XKR4: variants seen among roughly 807,000 people sequenced by gnomAD.
XKR4 encodes the protein XK-related protein 4.
XKR4 carries 12 observed loss-of-function variants against 53.9 expected under a neutral mutation model. That is an observed-to-expected ratio of 0.22 (90% CI 0.14 to 0.36). XKR4 has a LOEUF of 0.36. XKR4 is among the 10% of genes least tolerant of loss of function. XKR4 has a pLI of 1.00. For synonymous variants in XKR4, 354 were observed against 362.4 expected (o/e 0.98, Z 0.26); for missense variants, 799 against 859.5 (o/e 0.93, Z 0.88).
At chr8:55,433,875 T>TA (rs1805136301) in intron 2 of XKR4, among the ~76,000 whole-genome samples, 2 of 151,944 alleles carry the variant, frequency 1.3e-5, no homozygotes, top group African/African-American at 2.4e-5. Context: ...AAAATTAAAA[T>TA]AAAAAACATT....
intron 1 of XKR4, among the ~76,000 whole-genome samples, chr8:55,151,860 A>C (rs961486211): frequency 5.9e-5 from 9 of 152,190 alleles, no homozygotes; most frequent in African/African-American, 2.2e-4. Context: ...GAATTCACCA[A>C]AATTTATTTG....
At chr8:55,159,895 G>A (rs765059624) in intron 1 of XKR4, among the ~76,000 whole-genome samples, 1 of 152,216 alleles carries the variant, frequency 6.6e-6, no homozygotes, top group Non-Finnish European at 1.5e-5. Flanking sequence ...TAGTGATGTG[G>A]TAGGAAAGTT....
intron 2 of XKR4, 95 bp downstream of exon 2, chr8:55,357,972 A>G (rs939729786): frequency 1.6e-6 from 2 of 1,282,544 alleles, no homozygotes; most frequent in Non-Finnish European, 2.2e-6. Flanking sequence ...CTTTGTTGAC[A>G]CAGGCCTGTG....
In XKR4 at chr8:55,141,691, C is replaced by G. The variant is rs201965663; in HGVS notation, c.806+38397C>G. Among the ~76,000 whole-genome samples, 21 of 139,804 alleles carry G rather than the reference C, an allele frequency of 1.5e-4. 1 individual carries two copies. Among genetic ancestry groups the G allele is most frequent in the South Asian group, 4.5e-4 (2 of 4,414 alleles). The allele number at this position is 139,804 out of a possible 152,430, so 91.7% of individuals were successfully genotyped here. A position where few individuals can be genotyped will look rare whatever the true frequency, so the allele number is the denominator to read the frequency against. On this transcript the variant is annotated intron_variant, in intron 1 of 2. Transcript: ENST00000327381. ...TCTCTCTGTGTGTGTGTGTGTGTGT[C>G]TCTCTCTGTGGACTGGCGTCTTCTG...
intron 1 of XKR4, among the ~76,000 whole-genome samples, chr8:55,234,968 T>C (rs537894505): frequency 1.3e-3 from 203 of 152,328 alleles, no homozygotes; most frequent in African/African-American, 4.6e-3. Flanking sequence ...ACTAGTTTCC[T>C]GTGGCCGCCA....
At chr8:55,417,055 G>A (rs886091319) in intron 2 of XKR4, among the ~76,000 whole-genome samples, 1 of 152,178 alleles carries the variant, frequency 6.6e-6, no homozygotes, top group Non-Finnish European at 1.5e-5. Flanking sequence ...CAGTACCTCT[G>A]AAGGTGGGAG....
At chr8:55,340,804 A>C (rs971032060) in intron 1 of XKR4, among the ~76,000 whole-genome samples, 1 of 152,204 alleles carries the variant, frequency 6.6e-6, no homozygotes, top group Middle Eastern at 3.2e-3. Context: ...GGATTTGGTC[A>C]TGCCTTTTGT....
rs11338681 is a variant in XKR4 at position 55,401,979 on chromosome 8, CA to C, written c.1006+44109del. On this transcript the variant is annotated intron_variant, in intron 2 of 2. Transcript: ENST00000327381. Reference sequence around the variant, plus strand: ...ATGTAAAATAACTTGACTATTGATACAAAAAAATTAATGAGAAGGACATCAT... The same window carrying C: ...ATGTAAAATAACTTGACTATTGATACAAAAAATTAATGAGAAGGACATCAT... Among the ~76,000 whole-genome samples the C allele has an allele frequency of 9.6e-3, 1,468 of 152,130 alleles. 25 individuals are homozygous for C. Among genetic ancestry groups the C allele is most frequent in the African/African-American group, 0.033 (1,358 of 41,514 alleles).
intron 1 of XKR4, among the ~76,000 whole-genome samples, chr8:55,247,858 T>TCTTTC (rs1554572236): frequency 4.1e-5 from 4 of 97,794 alleles, no homozygotes; most frequent in Middle Eastern, 0.011. Context: ...TTTCTTTCTT[T>TCTTTC]TTTTTTTTTT....
In XKR4 at chr8:55,324,954, G is replaced by T. The variant is rs185876776; in HGVS notation, c.807-32724G>T. ...ACCTTTCTCATCACATAATTCTACA[G>T]GGTCACTGATTGTTTAATGTATATC... On this transcript the variant is annotated intron_variant, in intron 1 of 2. Transcript: ENST00000327381. 1.5e-3 allele frequency among the ~76,000 whole-genome samples: 228 copies of T among 152,154 alleles called. 1 individual carries two copies. The highest frequency in any genetic ancestry group is 5.2e-3 in the African/African-American group (215 of 41,498).
At position 55,452,585 on chromosome 8, in the gene XKR4, C is replaced by T. The variant is rs112581252; in HGVS notation, c.1007-70696C>T. On this transcript the variant is annotated intron_variant, in intron 2 of 2. Coordinates refer to ENST00000327381, the MANE Select transcript of XKR4 (RefSeq NM_052898.2). Reference sequence around the variant, plus strand: ...TCAGCCTCCGGTTCTCCCGCTGCACCGCCTCCAGGGTCTTAATGTTTATCT... The same window carrying T: ...TCAGCCTCCGGTTCTCCCGCTGCACTGCCTCCAGGGTCTTAATGTTTATCT... The T allele has an allele frequency of 8.2e-4, 750 of 909,228 alleles. 4 individuals are homozygous for T. In the African/African-American group the frequency reaches 0.011, roughly 13 times the overall value. 56.3% of individuals were successfully genotyped at this position (909,228 alleles called of 1,614,324 possible).
chr8:55,374,048 A>G (rs1392831292), intron 2 of XKR4, among the ~76,000 whole-genome samples: 1 of 152,196 alleles, frequency 6.6e-6, no homozygotes, highest in Admixed American at 6.5e-5. Context: ...AACAGGAGGG[A>G]ATGATGTGAA....
intron 1 of XKR4, among the ~76,000 whole-genome samples, chr8:55,171,703 C>G (rs116179400): frequency 6.6e-6 from 1 of 152,204 alleles, no homozygotes; most frequent in Non-Finnish European, 1.5e-5. Context: ...ACAGCCTACA[C>G]TGTCAGCCAC....
chr8:55,281,911 T>C (rs1015950354), intron 1 of XKR4, among the ~76,000 whole-genome samples: 3 of 152,194 alleles, frequency 2.0e-5, no homozygotes, highest in African/African-American at 7.2e-5. Context: ...TTATTCCCAA[T>C]GAAAATTGGC....
chr8:55,489,147 G>A (rs955344770), intron 2 of XKR4, among the ~76,000 whole-genome samples: 4 of 152,002 alleles, frequency 2.6e-5, no homozygotes, highest in Admixed American at 1.3e-4. Context: ...GTAGGCTTTC[G>A]TTAAAAATAA....
intron 2 of XKR4, chr8:55,454,844 C>A: frequency 1.3e-6 from 1 of 764,348 alleles, no homozygotes; most frequent in East Asian, 2.5e-5. Flanking sequence ...CCTCATCCTC[C>A]TCTTCCTCCC....
intron 2 of XKR4, among the ~76,000 whole-genome samples, chr8:55,373,840 CA>C (rs1563335204): frequency 1.3e-5 from 2 of 151,732 alleles, no homozygotes; most frequent in Non-Finnish European, 2.9e-5. Context: ...TTTGTGAACA[CA>C]GGAGATCTCT....
rs1806908802 is a variant in XKR4 at position 55,528,648 on chromosome 8, T to C, written c.*4421T>C. On this transcript the variant is annotated 3_prime_UTR_variant, in exon 3 of 3. Transcript: ENST00000327381. ...ATAGCTCATACTGTCATTCAGATTA[T>C]AGCTCAGAGGATGGTTGAAGCGCAT... 6.6e-6 allele frequency: 1 copy of C among 152,226 alleles called. No individual in the cohort carries two copies. The highest frequency in any genetic ancestry group is 6.5e-5 in the Admixed American group (1 of 15,282). 9.4% of individuals were successfully genotyped at this position (152,226 alleles called of 1,614,324 possible). A position where few individuals can be genotyped will look rare whatever the true frequency, so the allele number is the denominator to read the frequency against.
intron 1 of XKR4, among the ~76,000 whole-genome samples, chr8:55,288,676 A>T (rs539817168): frequency 2.0e-5 from 3 of 152,288 alleles, no homozygotes; most frequent in African/African-American, 2.4e-5. Flanking sequence ...AAAATTAGAG[A>T]TCGGCATGCA....
Sources: allele counts gnomAD v4.1 joint callset (sites outside exome capture counted in the v4.1 genomes callset), GRCh38; gene constraint gnomAD v4.1.1; transcripts MANE v1.5; gene names NCBI Gene and HGNC (gene_info 2026-07-23, HGNC 2026-07-21).